Variants in NR5A2 observed in about 807,000 individuals in gnomAD.
NR5A2 encodes nuclear receptor subfamily 5 group A member 2.
In NR5A2, 26 loss-of-function variants were observed where a neutral mutation model predicts 62.7. The observed-to-expected ratio is 0.41, with a 90% CI of 0.30 to 0.58. The LOEUF (loss-of-function observed/expected upper bound fraction) is 0.58. NR5A2 is among the 20% of genes least tolerant of loss of function. NR5A2 has a pLI of 0.22. For synonymous variants in NR5A2, 246 were observed against 241.7 expected (o/e 1.02, Z -0.16); for missense variants, 541 against 669.1 (o/e 0.81, Z 2.11).
intron 5 of NR5A2, among the ~76,000 whole-genome samples, chr1:200,110,873 C>T (rs1448642728): frequency 1.3e-5 from 2 of 152,146 alleles, no homozygotes; most frequent in East Asian, 1.9e-4. Context: ...CTCAGGACAA[C>T]CTGAGGCACC....
chr1:200,127,067 C>T (rs115148009), intron 7 of NR5A2, among the ~76,000 whole-genome samples: 2 of 150,824 alleles, frequency 1.3e-5, no homozygotes, highest in African/African-American at 4.9e-5. Context: ...AATGAAGAGA[C>T]CTAAGAGAAC....
intron 7 of NR5A2, among the ~76,000 whole-genome samples, chr1:200,159,795 G>A (rs1280972730): frequency 1.3e-5 from 2 of 151,770 alleles, no homozygotes; most frequent in Non-Finnish European, 2.9e-5. Context: ...GGAATTACAG[G>A]CGCGAGCCAC....
intron 5 of NR5A2, among the ~76,000 whole-genome samples, chr1:200,052,210 C>T (rs771728824): frequency 2.6e-4 from 39 of 152,102 alleles, no homozygotes; most frequent in Non-Finnish European, 4.9e-4. Flanking sequence ...ATAATAACTC[C>T]GGAAAAAGGT....
chr1:200,028,004 G>A (rs957809643), intron 1 of NR5A2, 93 bp downstream of exon 1: 10 of 801,328 alleles, frequency 1.2e-5, no homozygotes, highest in Non-Finnish European at 2.0e-5. Flanking sequence ...TTTAAGTCAT[G>A]GCTTTTCCTA....
At chr1:200,060,022 CTG>C (rs1295687542) in intron 5 of NR5A2, among the ~76,000 whole-genome samples, 1 of 152,144 alleles carries the variant, frequency 6.6e-6, no homozygotes, top group East Asian at 1.9e-4. Context: ...CCCTCTACAC[CTG>C]TGTCCTCTCC....
At chr1:200,037,119 C>A (rs1006211328) in intron 1 of NR5A2, among the ~76,000 whole-genome samples, 2 of 152,130 alleles carry the variant, frequency 1.3e-5, no homozygotes, top group African/African-American at 4.8e-5. Flanking sequence ...ACCAAGAAGT[C>A]GCTAGTGTGG....
At chr1:200,172,019 CA>C (rs1168699945) in intron 7 of NR5A2, among the ~76,000 whole-genome samples, 2 of 152,166 alleles carry the variant, frequency 1.3e-5, no homozygotes, top group African/African-American at 4.8e-5. Flanking sequence ...TTACATTTTA[CA>C]TTCATTCTAT....
chr1:200,039,716 G>A lies in NR5A2; in HGVS notation c.123G>A (p.Met41Ile), dbSNP rs1201025612. Residue 41 changes from methionine to isoleucine, a missense_variant, in exon 2 of 8, where the codon ATG becomes ATA. Physicochemically the swap from Met to Ile is conservative, Grantham distance 10. This residue lies in a region of NR5A2 where 108 missense variants were observed against 103.3 expected (regional missense o/e 1.05). Transcript: ENST00000367362. This position sits in a 1 kb window ranked among gnomAD's most constrained non-coding sequence, Gnocchi z 5.1. ...SPIPARGRLV[M>I]LPKVETEALG... is the part of the protein sequence containing the mutation. ...TCCCCGCCCGCGGTCGCCTTGTCAT[G>A]CTGCCCAAAGTGGAGACGGAAGCCC... 1 of 1,612,104 alleles carries A rather than the reference G, an allele frequency of 6.2e-7. No individual in the cohort carries two copies. The highest frequency in any genetic ancestry group is 2.2e-5 in the East Asian group (1 of 44,572).
rs1662478255 is a variant in NR5A2, at chr1:200,048,460, C to A, written c.752C>A (p.Pro251His). 1 of 1,614,216 alleles carries A rather than the reference C, an allele frequency of 6.2e-7. No homozygotes were observed. Among genetic ancestry groups the A allele is most frequent in the South Asian group, 1.1e-5 (1 of 91,080 alleles). ...TCCCCCATTAGCATGACAATGCCCC[C>A]TCACGGCAGCCTGCAAGGTTACCAA... ...VTSPISMTMP[P>H]HGSLQGYQTY... Residue 251 changes from proline (P) to histidine (H), a missense_variant, in exon 5 of 8, where the codon CCT becomes CAT. Coordinates refer to ENST00000367362, the MANE Select transcript of NR5A2 (RefSeq NM_205860.3). The surrounding 1 kb of genome is among the most constrained non-coding windows in gnomAD (Gnocchi z 4.8).
chr1:200,097,009 A>T (rs1043295872), intron 5 of NR5A2, among the ~76,000 whole-genome samples: 1 of 152,226 alleles, frequency 6.6e-6, no homozygotes, highest in Non-Finnish European at 1.5e-5. Flanking sequence ...CATGACCTGC[A>T]TGCATGAGTA....
At chr1:200,035,350 G>T (rs994562667) in intron 1 of NR5A2, among the ~76,000 whole-genome samples, 1 of 152,194 alleles carries the variant, frequency 6.6e-6, no homozygotes, top group East Asian at 1.9e-4. Context: ...ACCCAGGCGC[G>T]CGGGGAAAGA....
At chr1:200,030,656 A>G (rs901069881) in intron 1 of NR5A2, among the ~76,000 whole-genome samples, 3 of 152,212 alleles carry the variant, frequency 2.0e-5, no homozygotes, top group Non-Finnish European at 4.4e-5. Context: ...GTGGTAGGAA[A>G]TGTTATACAT....
intron 5 of NR5A2, among the ~76,000 whole-genome samples, chr1:200,110,249 G>A (rs1665879467): frequency 6.6e-6 from 1 of 152,198 alleles, no homozygotes; most frequent in African/African-American, 2.4e-5. Flanking sequence ...TATAGTGTAT[G>A]TCTAAATATG....
chr1:200,061,100 A>G (rs1223424826), intron 5 of NR5A2, among the ~76,000 whole-genome samples: 1 of 140,518 alleles, frequency 7.1e-6, no homozygotes, highest in South Asian at 2.4e-4. Context: ...TAGCCTGGCC[A>G]ACAGAGCAAA....
chr1:200,042,602 G>C (rs1170945560), intron 2 of NR5A2, among the ~76,000 whole-genome samples: 1 of 152,240 alleles, frequency 6.6e-6, no homozygotes, highest in African/African-American at 2.4e-5. Context: ...TTTGTGCGCC[G>C]TTGGGTAGCA....
chr1:200,141,667 A>G (rs1667447247), intron 7 of NR5A2, among the ~76,000 whole-genome samples: 1 of 152,224 alleles, frequency 6.6e-6, no homozygotes, highest in South Asian at 2.1e-4. Context: ...ACATAGGTCT[A>G]TAATCTATTT....
chr1:200,114,877 C>T (rs1666142605), intron 6 of NR5A2, among the ~76,000 whole-genome samples: 1 of 152,156 alleles, frequency 6.6e-6, no homozygotes, highest in Non-Finnish European at 1.5e-5. Context: ...TACCAACATG[C>T]CATACCGTTT....
In NR5A2 at chr1:200,066,588, C is replaced by CTTTTTTTTTTTTTTTTTT. The variant is rs756874909; in HGVS notation, c.1110+17787_1110+17788insTTTTTTTTTTTTTTTTTT. Among the ~76,000 whole-genome samples, 162 of 113,112 alleles carry CTTTTTTTTTTTTTTTTTT rather than the reference C, an allele frequency of 1.4e-3. 24 individuals are homozygous for CTTTTTTTTTTTTTTTTTT. The highest frequency in any genetic ancestry group is 5.1e-3 in the African/African-American group (125 of 24,448). 74.2% of individuals were successfully genotyped at this position (113,112 alleles called of 152,430 possible). ...CCCTGCCATCTATTTAATTAATTAT[C>CTTTTTTTTTTTTTTTTTT]TTTTTTTTTTTTTTTTTGAGAGGGA... On this transcript the variant is annotated intron_variant, in intron 5 of 7. Coordinates refer to ENST00000367362, the MANE Select transcript of NR5A2 (RefSeq NM_205860.3).
intron 7 of NR5A2, among the ~76,000 whole-genome samples, chr1:200,133,114 T>C (rs1212825381): frequency 6.6e-6 from 1 of 152,216 alleles, no homozygotes; most frequent in African/African-American, 2.4e-5. Flanking sequence ...TTTGCATTTG[T>C]TTCAAAATTA....
Sources: allele counts gnomAD v4.1 joint callset (sites outside exome capture counted in the v4.1 genomes callset), GRCh38; gene constraint gnomAD v4.1.1; regional missense constraint gnomAD v4.1.1; non-coding constraint Gnocchi (gnomAD v3.1); transcripts MANE v1.5; gene names NCBI Gene and HGNC (gene_info 2026-07-23, HGNC 2026-07-21).